The following FLNB variants were observed in gnomAD, a reference collection of about 807,000 sequenced individuals.
FLNB encodes the protein filamin-B.
In FLNB, 111 loss-of-function variants were observed where a neutral mutation model predicts 250.6. The observed-to-expected ratio is 0.44, with a 90% CI of 0.38 to 0.52. The LOEUF (loss-of-function observed/expected upper bound fraction) is 0.52. FLNB is among the 20% of genes least tolerant of loss of function. FLNB has a pLI of 0.00. For synonymous variants in FLNB, 1,302 were observed against 1,372.1 expected, an observed-to-expected ratio of 0.95 and a Z score of 1.13; for missense variants, 2,869 against 3,447.8, an observed-to-expected ratio of 0.83 and a Z score of 4.20.
At chr3:58,117,199 T>C (rs919323870) in intron 18 of FLNB, among the ~76,000 whole-genome samples, 19 of 152,224 alleles carry the variant, frequency 1.2e-4, no homozygotes, top group African/African-American at 4.3e-4. Context: ...TGTTGGGGAA[T>C]AAACACAGTC....
At chr3:58,116,995 A>G (rs2097279219) in intron 18 of FLNB, among the ~76,000 whole-genome samples, 1 of 152,122 alleles carries the variant, frequency 6.6e-6, no homozygotes, top group Non-Finnish European at 1.5e-5. Flanking sequence ...CCTAAAAGGG[A>G]TGGTGCTGAG....
chr3:58,012,158 C>T (rs2097099757), intron 1 of FLNB, among the ~76,000 whole-genome samples: 1 of 147,424 alleles, frequency 6.8e-6, no homozygotes, highest in African/African-American at 2.5e-5. Flanking sequence ...TTGCAGTGAG[C>T]CGAGGTCTTT....
In FLNB at chr3:58,151,642, C is replaced by G. The variant is rs2107282247; in HGVS notation, c.6367+1415C>G. On this transcript the variant is annotated intron_variant, in intron 38 of 45. Transcript: ENST00000295956. Reference sequence around the variant, plus strand: ...CAAAAAATAGACATCCACATCATCTCTTTCATGACCCTGATAAAATGCCAT... The same window carrying G: ...CAAAAAATAGACATCCACATCATCTGTTTCATGACCCTGATAAAATGCCAT... Among the ~76,000 whole-genome samples the G allele has an allele frequency of 1.3e-5, 2 of 152,336 alleles. 1 individual carries two copies. The highest frequency in any genetic ancestry group is 4.1e-4 in the South Asian group (2 of 4,832).
rs142853844 is a variant in FLNB, at chr3:58,146,156, T to C, written c.5554+107T>C. The C allele has an allele frequency of 4.7e-4, 585 of 1,234,354 alleles. 8 individuals are homozygous for C. In the African/African-American group the frequency reaches 7.8e-3, roughly 17 times the overall value. 76.5% of individuals were successfully genotyped at this position (1,234,354 alleles called of 1,614,324 possible). A position where few individuals can be genotyped will look rare whatever the true frequency, so the allele number is the denominator to read the frequency against. On this transcript the variant is annotated intron_variant, in intron 33 of 45. Transcript: ENST00000295956. Reference sequence around the variant, plus strand: ...AAAGTGAGACAATCGAATGGTAGTATTTGTCTTGTCTTTTCTCTCGTGTAA... The same window carrying C: ...AAAGTGAGACAATCGAATGGTAGTACTTGTCTTGTCTTTTCTCTCGTGTAA...
At position 58,082,179 on chromosome 3, in the gene FLNB, C is replaced by T. The variant is rs530304471; in HGVS notation, c.787+403C>T. ...ACTAAGCCTGCCTCAGATTTCCAGC[C>T]GGAGTGGGAGCTATTGTTAACCCCT... is the stretch of plus-strand genomic sequence containing the variant. On this transcript the variant is annotated intron_variant, in intron 4 of 45. Transcript: ENST00000295956. Among the ~76,000 whole-genome samples, 4 of 152,284 alleles carry T rather than the reference C, an allele frequency of 2.6e-5. No homozygotes were observed. In the East Asian group the frequency reaches 5.8e-4, roughly 22 times the overall value.
Position 58,143,958 on chromosome 3 carries a change from A to G in FLNB, c.5425+345A>G, listed in dbSNP as rs372357260. ...GCCTGCAGAGCCCTGTGTGGGCTGG[A>G]GGCTTGGGGCCAGGTCAGAGGTGGA... On this transcript the variant is annotated intron_variant, in intron 32 of 45. Coordinates refer to ENST00000295956, the MANE Select transcript of FLNB (RefSeq NM_001457.4). Among the ~76,000 whole-genome samples the G allele has an allele frequency of 3.0e-4, 46 of 152,192 alleles. No individual in the cohort carries two copies. The South Asian group carries it at 4.2e-3, about 14-fold the overall frequency.
intron 11 of FLNB, among the ~76,000 whole-genome samples, chr3:58,105,986 C>CT (rs1190252263): frequency 6.6e-6 from 1 of 152,112 alleles, no homozygotes; most frequent in African/African-American, 2.4e-5. Context: ...TCCTTCTAGA[C>CT]TTTTTTCTCT....
chr3:58,135,098 G>A (rs1189220097), intron 27 of FLNB, among the ~76,000 whole-genome samples: 2 of 152,240 alleles, frequency 1.3e-5, no homozygotes, highest in East Asian at 3.9e-4. Context: ...CAAGCAGTCT[G>A]CCTGCCTCAA....
chr3:58,143,046 G>C (rs545193040), intron 31 of FLNB, among the ~76,000 whole-genome samples: 1 of 152,328 alleles, frequency 6.6e-6, no homozygotes, highest in East Asian at 1.9e-4. Context: ...TCGGGTTCTT[G>C]TTTGCCCCTT....
chr3:58,080,753 A>C (rs2097208018), intron 3 of FLNB, among the ~76,000 whole-genome samples: 1 of 144,024 alleles, frequency 6.9e-6, no homozygotes, highest in Admixed American at 7.1e-5. Flanking sequence ...CGGCCTCCCA[A>C]AGTGCTGGGA....
chr3:58,051,097 C>G (rs1479950244), intron 1 of FLNB, among the ~76,000 whole-genome samples: 1 of 152,164 alleles, frequency 6.6e-6, no homozygotes, highest in Non-Finnish European at 1.5e-5. Context: ...CTCTCTGACC[C>G]CACTGTAAAA....
intron 1 of FLNB, among the ~76,000 whole-genome samples, chr3:58,058,222 A>G (rs917158814): frequency 2.6e-5 from 4 of 152,252 alleles, no homozygotes; most frequent in African/African-American, 4.8e-5. Flanking sequence ...AGTTTTTACT[A>G]ACTTTTACTA....
intron 31 of FLNB, among the ~76,000 whole-genome samples, chr3:58,143,130 T>TC (rs552692594): frequency 5.6e-4 from 86 of 152,296 alleles, no homozygotes; most frequent in Non-Finnish European, 1.1e-3. Context: ...AGTTCCTTTC[T>TC]CCCCTCAGCC....
Position 58,128,993 on chromosome 3 carries a change from A to T in FLNB, c.4223-1748A>T, listed in dbSNP as rs9882109. 3.0e-3 allele frequency among the ~76,000 whole-genome samples: 460 copies of T among 152,234 alleles called. 5 individuals are homozygous for T. Among genetic ancestry groups the T allele is most frequent in the African/African-American group, 0.011 (444 of 41,540 alleles). On this transcript the variant is annotated intron_variant, in intron 24 of 45. Coordinates refer to ENST00000295956, the MANE Select transcript of FLNB (RefSeq NM_001457.4). ...TTAGTGAAGTGTTGGTTGGTTTTCT[A>T]AGCATCAGGCTTCTTAGCTAAGGCA...
In FLNB at chr3:58,153,871, C is replaced by T. The variant is rs749705912; in HGVS notation, c.6634+230C>T. Among the ~76,000 whole-genome samples, 7 of 152,224 alleles carry T rather than the reference C, an allele frequency of 4.6e-5. No homozygotes were observed. In the South Asian group the frequency reaches 8.3e-4, roughly 18 times the overall value. ...TCTTACTGGGAGCCTCCTTGGAGCC[C>T]GTATCTTATTAGTGTGCACCTGAGT... is the stretch of plus-strand genomic sequence containing the variant. On this transcript the variant is annotated intron_variant, in intron 39 of 45. Transcript: ENST00000295956.
At chr3:58,011,949 G>A (rs532037857) in intron 1 of FLNB, among the ~76,000 whole-genome samples, 3 of 152,302 alleles carry the variant, frequency 2.0e-5, no homozygotes, top group Non-Finnish European at 2.9e-5. Flanking sequence ...CGTGGCTCAC[G>A]CCTGTAATCC....
chr3:58,075,416 T>G (rs145838129), intron 1 of FLNB, among the ~76,000 whole-genome samples: 9 of 152,032 alleles, frequency 5.9e-5, no homozygotes, highest in Non-Finnish European at 1.2e-4. Context: ...ATCAAAGGGA[T>G]AGAGAACATG....
At chr3:58,156,187 T>C in intron 41 of FLNB, 112 bp downstream of exon 41, 1 of 764,804 alleles carries the variant, frequency 1.3e-6, no homozygotes, top group Non-Finnish European at 2.3e-6. Flanking sequence ...TTTCACATTT[T>C]GACCACAGAT....
intron 1 of FLNB, among the ~76,000 whole-genome samples, chr3:58,076,759 C>T (rs2097202271): frequency 1.3e-5 from 2 of 152,036 alleles, no homozygotes; most frequent in African/African-American, 4.8e-5. Context: ...CTGCACCTGG[C>T]CATTATTATG....
Sources: gnomAD v4.1 joint callset for allele counts (sites outside exome capture counted in the v4.1 genomes callset) on GRCh38, gnomAD v4.1.1 for gene constraint, MANE v1.5 for transcripts, NCBI Gene and HGNC (gene_info 2026-07-23, HGNC 2026-07-21) for gene names.